The following SBSPON variants were observed in gnomAD, a reference collection of about 807,000 sequenced individuals.
The protein encoded by SBSPON is somatomedin B and thrombospondin type 1 domain containing.
Under a neutral mutation model 35.8 loss-of-function variants are expected in SBSPON, and 30 were observed. The observed-to-expected ratio is 0.84, with a 90% CI of 0.63 to 1.14. The LOEUF (loss-of-function observed/expected upper bound fraction) is 1.14. SBSPON is among the 50% of genes most tolerant of loss of function. SBSPON has a pLI of 0.00. For synonymous variants in SBSPON, 136 were observed against 135.9 expected (o/e 1.00, Z 0.00); for missense variants, 364 against 357.7 (o/e 1.02, Z -0.14).
At chr8:73,071,028 T>G (rs1810484469) in intron 3 of SBSPON, among the ~76,000 whole-genome samples, 1 of 152,186 alleles carries the variant, frequency 6.6e-6, no homozygotes, top group Admixed American at 6.5e-5. Flanking sequence ...AAAAAAGTAT[T>G]TATTTTTCAT....
chr8:73,084,658 C>T (rs369351073), intron 1 of SBSPON, among the ~76,000 whole-genome samples: 12 of 152,082 alleles, frequency 7.9e-5, no homozygotes, highest in African/African-American at 2.9e-4. Context: ...CTGGGTCCCA[C>T]TCACCCTTTA....
At position 73,081,120 on chromosome 8, in the gene SBSPON, T is replaced by C; in HGVS notation, c.308A>G (p.Gln103Arg). The change falls in exon 2 of 5, where the codon CAG (glutamine) becomes CGG (arginine). Residue 103 changes from glutamine (Q) to arginine (R), a missense_variant. Physicochemically the swap from Gln to Arg is conservative, Grantham distance 43. Transcript: ENST00000297354. ...GGGCGCCCCGCCGTTCTGAGGCTCCTGCTGCACCGAGCGCCTCCGCACACG... is the reference window on the plus strand; with the variant it reads ...GGGCGCCCCGCCGTTCTGAGGCTCCCGCTGCACCGAGCGCCTCCGCACACG... ...TTRVRRRSVQQEPQNGGAPCP... is the reference protein window; with the variant it reads ...TTRVRRRSVQREPQNGGAPCP... The C allele has an allele frequency of 6.2e-7, 1 of 1,613,554 alleles. No individual in the cohort carries two copies. Among genetic ancestry groups the C allele is most frequent in the Non-Finnish European group, 8.5e-7 (1 of 1,179,726 alleles).
chr8:73,089,022 T>C (rs547662644), intron 1 of SBSPON, among the ~76,000 whole-genome samples: 3 of 152,300 alleles, frequency 2.0e-5, no homozygotes, highest in African/African-American at 7.2e-5. Context: ...GGGAATACAG[T>C]CTATGTACCT....
chr8:73,080,753 A>T (rs957656272), intron 2 of SBSPON, among the ~76,000 whole-genome samples: 1 of 152,280 alleles, frequency 6.6e-6, no homozygotes, highest in African/African-American at 2.4e-5. Flanking sequence ...GGTTTATTTC[A>T]TTACTGAGTC....
chr8:73,086,085 AAAAC>A (rs1309291414), intron 1 of SBSPON, among the ~76,000 whole-genome samples: 1 of 152,218 alleles, frequency 6.6e-6, no homozygotes, highest in African/African-American at 2.4e-5. Flanking sequence ...GAAGAAAAAT[AAAAC>A]AGCCCTATTA....
In SBSPON at chr8:73,092,978, G is replaced by C. The variant is rs756937427; in HGVS notation, c.90C>G (p.Pro30=). The C allele has an allele frequency of 3.8e-6, 6 of 1,571,178 alleles. No homozygotes were observed. The highest frequency in any genetic ancestry group is 5.2e-6 in the Non-Finnish European group (6 of 1,162,346). The change falls in exon 1 of 5, where the codon CCC becomes CCG. Residue 30 remains proline, a synonymous_variant. Transcript: ENST00000297354. ...GGGCGAAGCAGGCGGGGTCCCGGCCGGGACAGCAGCGCCCGGCCTCGGCGC... is the reference window on the plus strand; with the variant it reads ...GGGCGAAGCAGGCGGGGTCCCGGCCCGGACAGCAGCGCCCGGCCTCGGCGC... ...AGCAEAGRCC[P]GRDPACFARG...
intron 2 of SBSPON, among the ~76,000 whole-genome samples, chr8:73,080,372 G>A (rs1037985332): frequency 2.6e-5 from 4 of 152,122 alleles, no homozygotes; most frequent in South Asian, 4.2e-4. Flanking sequence ...AAAATTAGCC[G>A]GGCGTGGTGG....
intron 1 of SBSPON, among the ~76,000 whole-genome samples, chr8:73,087,886 G>C (rs543652595): frequency 4.3e-4 from 66 of 152,348 alleles, no homozygotes; most frequent in African/African-American, 1.5e-3. Flanking sequence ...GAGAATCAGA[G>C]ATTGGGATGT....
chr8:73,069,219 G>A (rs1810447095), intron 4 of SBSPON, among the ~76,000 whole-genome samples: 1 of 152,070 alleles, frequency 6.6e-6, no homozygotes, highest in Non-Finnish European at 1.5e-5. Context: ...GTGATCTTCA[G>A]AACACCACTT....
At chr8:73,070,146 C>T (rs1040705508) in intron 3 of SBSPON, among the ~76,000 whole-genome samples, 165 bp from the exon 4 acceptor site, 1 of 152,190 alleles carries the variant, frequency 6.6e-6, no homozygotes, top group Non-Finnish European at 1.5e-5. Flanking sequence ...GTTTCTCATT[C>T]CCTGAAGCAT....
intron 2 of SBSPON, among the ~76,000 whole-genome samples, chr8:73,076,374 C>G (rs1474282759): frequency 6.6e-6 from 1 of 152,092 alleles, no homozygotes; most frequent in African/African-American, 2.4e-5. Flanking sequence ...CTCAGCTGAC[C>G]TTAAAATAGG....
intron 2 of SBSPON, among the ~76,000 whole-genome samples, chr8:73,077,388 G>T (rs978163067): frequency 5.9e-5 from 9 of 152,378 alleles, no homozygotes; most frequent in African/African-American, 2.2e-4. Context: ...CTGCGAACAG[G>T]AAGTCTAGTG....
At chr8:73,081,270 T>C in intron 1 of SBSPON, 57 bp from the exon 2 acceptor site, 1 of 1,429,508 alleles carries the variant, frequency 7.0e-7, no homozygotes. Flanking sequence ...GCTGGCAGGC[T>C]GTTCCCGCCA....
At chr8:73,079,374 T>C (rs1810652227) in intron 2 of SBSPON, among the ~76,000 whole-genome samples, 1 of 152,122 alleles carries the variant, frequency 6.6e-6, no homozygotes, top group Non-Finnish European at 1.5e-5. Context: ...AACAGTCTCA[T>C]GCTGTGAGGA....
At position 73,089,733 on chromosome 8, in the gene SBSPON, G is replaced by A. The variant is rs547316494; in HGVS notation, c.214+3121C>T. 1.6e-4 allele frequency among the ~76,000 whole-genome samples: 25 copies of A among 152,192 alleles called. No individual in the cohort carries two copies. The South Asian group carries it at 1.7e-3, about 10-fold the overall frequency. On this transcript the variant is annotated intron_variant, in intron 1 of 4. Coordinates refer to ENST00000297354, the MANE Select transcript of SBSPON (RefSeq NM_153225.4). The stretch of plus-strand genomic sequence containing the variant: ...TATTTAATCAAATGAAATATTCTCC[G>A]CTGTCGACCAGTGCTAAGAGCCAAC...
chr8:73,090,663 A>G (rs1810914614), intron 1 of SBSPON, among the ~76,000 whole-genome samples: 1 of 152,206 alleles, frequency 6.6e-6, no homozygotes, highest in South Asian at 2.1e-4. Flanking sequence ...GGAGCTTTTC[A>G]GTCCCCCACC....
chr8:73,074,780 C>CACA (rs1245625998), intron 2 of SBSPON, among the ~76,000 whole-genome samples: 2 of 152,192 alleles, frequency 1.3e-5, no homozygotes, highest in South Asian at 4.1e-4. Flanking sequence ...GGTAAGGAGG[C>CACA]CAGGGAGGGC....
At chr8:73,085,194 T>C (rs1366877732) in intron 1 of SBSPON, among the ~76,000 whole-genome samples, 1 of 152,128 alleles carries the variant, frequency 6.6e-6, no homozygotes, top group Non-Finnish European at 1.5e-5. Flanking sequence ...CTGGCAGCAA[T>C]GGCCCCAAGG....
At chr8:73,083,396 GA>G (rs1370461882) in intron 1 of SBSPON, among the ~76,000 whole-genome samples, 6 of 152,182 alleles carry the variant, frequency 3.9e-5, no homozygotes, top group African/African-American at 1.4e-4. Flanking sequence ...TTTTGCGTCG[GA>G]AGATTAAATA....
Sources: allele counts gnomAD v4.1 joint callset (sites outside exome capture counted in the v4.1 genomes callset), GRCh38; gene constraint gnomAD v4.1.1; transcripts MANE v1.5; gene names NCBI Gene and HGNC (gene_info 2026-07-23, HGNC 2026-07-21).